Variants in KDM3B observed in about 807,000 individuals in gnomAD.
KDM3B encodes lysine demethylase 3B.
KDM3B carries 10 observed loss-of-function variants against 170.0 expected under a neutral mutation model. The observed-to-expected ratio is 0.06, with a 90% CI of 0.04 to 0.10. KDM3B has a LOEUF of 0.10. KDM3B is among the 10% of genes least tolerant of loss of function. The probability of loss-of-function intolerance (pLI) is 1.00; values close to 1 mark genes in which losing one functional copy is unlikely to be tolerated. For synonymous variants in KDM3B, 831 were observed against 834.8 expected (o/e 1.00, Z 0.08); for missense variants, 1,394 against 2,195.2 (o/e 0.64, Z 7.29).
chr5:138,431,704 A>G, intron 23 of KDM3B, 145 bp downstream of exon 23: 1 of 732,464 alleles, frequency 1.4e-6, no homozygotes, highest in Non-Finnish European at 2.0e-6. Context: ...GTTTGGGGAT[A>G]TGGAGTCCTT....
intron 9 of KDM3B, among the ~76,000 whole-genome samples, chr5:138,397,213 T>C (rs1418532131): frequency 6.6e-6 from 1 of 151,910 alleles, no homozygotes; most frequent in Non-Finnish European, 1.5e-5. Flanking sequence ...CAGGCGCCTG[T>C]AGTTCCAGCT....
intron 11 of KDM3B, among the ~76,000 whole-genome samples, chr5:138,404,548 A>G (rs946807848): frequency 1.3e-5 from 2 of 151,682 alleles, no homozygotes; most frequent in Non-Finnish European, 2.9e-5. Context: ...AATCACTTGA[A>G]CCTGGGAAGC....
chr5:138,411,480 TTGCCTCG>T (rs1762967928), intron 11 of KDM3B, among the ~76,000 whole-genome samples: 1 of 152,184 alleles, frequency 6.6e-6, no homozygotes, highest in Non-Finnish European at 1.5e-5. Flanking sequence ...CCTTGGTCTC[TTGCCTCG>T]GCGCCTGGGT....
chr5:138,357,131 C>T (rs1761470750), intron 1 of KDM3B, among the ~76,000 whole-genome samples: 1 of 152,192 alleles, frequency 6.6e-6, no homozygotes, highest in South Asian at 2.1e-4. Context: ...GGACTACAGG[C>T]ATGCGCCACC....
chr5:138,383,413 A>G (rs1432381893), intron 6 of KDM3B, among the ~76,000 whole-genome samples: 1 of 135,874 alleles, frequency 7.4e-6, no homozygotes, highest in Non-Finnish European at 1.5e-5. Context: ...CTGGGTTTAC[A>G]GGCGCGAACG....
At chr5:138,367,986 C>G (rs570979992) in intron 1 of KDM3B, among the ~76,000 whole-genome samples, 1 of 151,116 alleles carries the variant, frequency 6.6e-6, no homozygotes, top group African/African-American at 2.4e-5. Flanking sequence ...GCACTCCAGC[C>G]TGGGCAACAG....
chr5:138,385,896 A>G lies in KDM3B; in HGVS notation c.781-126A>G, dbSNP rs73255885. The G allele has an allele frequency of 3.5e-3, 3,676 of 1,050,098 alleles. 79 individuals are homozygous for G. The African/African-American group carries it at 0.048, about 14-fold the overall frequency. 65.0% of individuals were successfully genotyped at this position (1,050,098 alleles called of 1,614,324 possible). A position where few individuals can be genotyped will look rare whatever the true frequency, so the allele number is the denominator to read the frequency against. Reference sequence around the variant, plus strand: ...CTTTTAACAAAGGGGATGTTTTAGAACTGGCATTGGAACTTGGCAGTCTAT... The same window carrying G: ...CTTTTAACAAAGGGGATGTTTTAGAGCTGGCATTGGAACTTGGCAGTCTAT... On this transcript the variant is annotated intron_variant, in intron 6 of 23. Coordinates refer to ENST00000314358, the MANE Select transcript of KDM3B (RefSeq NM_016604.4).
Position 138,386,288 on chromosome 5 carries a change from G to T in KDM3B, c.1047G>T (p.Gln349His). 1 of 1,614,200 alleles carries T rather than the reference G, an allele frequency of 6.2e-7. No individual in the cohort carries two copies. Among genetic ancestry groups the T allele is most frequent in the Non-Finnish European group, 8.5e-7 (1 of 1,180,036 alleles). Residue 349 changes from glutamine (Q) to histidine (H), a missense_variant, in exon 7 of 24, where the codon CAG (glutamine) becomes CAT (histidine). This residue lies in a region of KDM3B where 205 missense variants were observed against 227.6 expected (regional missense o/e 0.90). Transcript: ENST00000314358. ...AGCCACCGTCTACATTTGTCCCCCA[G>T]ATAAACCGCAACATTCGCTTTGCCA... ...AKQPPSTFVP[Q>H]INRNIRFATY...
At chr5:138,423,966 T>G in intron 15 of KDM3B, 109 bp from the exon 16 acceptor site, 1 of 1,054,334 alleles carries the variant, frequency 9.5e-7, no homozygotes, top group Admixed American at 2.7e-5. Context: ...TTTGTAGAAT[T>G]TAATCAGACA....
At chr5:138,425,621 G>A (rs754186292) in intron 17 of KDM3B, 39 bp downstream of exon 17, 1 of 1,565,716 alleles carries the variant, frequency 6.4e-7, no homozygotes, top group Non-Finnish European at 8.7e-7. Flanking sequence ...ATAGCAGACT[G>A]GAAAATAAGC....
intron 13 of KDM3B, among the ~76,000 whole-genome samples, chr5:138,418,581 C>T (rs1384675747): frequency 6.6e-6 from 1 of 152,140 alleles, no homozygotes; most frequent in Non-Finnish European, 1.5e-5. Flanking sequence ...GAGTAATAAA[C>T]ATTTATTTAG....
rs151060270 is a variant in KDM3B, at chr5:138,429,884, T to C, written c.4812T>C (p.His1604=). ...ATGAGGTGACGAAGCAGAGGATTCATGATGGAAAAGAGAAGCCAGGTGCTT... is the reference window on the plus strand; with the variant it reads ...ATGAGGTGACGAAGCAGAGGATTCACGATGGAAAAGAGAAGCCAGGTGCTT... ...DADEVTKQRI[H]DGKEKPGALW... The change falls in exon 21 of 24, where the codon CAT becomes CAC. Residue 1604 remains histidine (H), a synonymous_variant. Coordinates refer to ENST00000314358, the MANE Select transcript of KDM3B (RefSeq NM_016604.4). The C allele has an allele frequency of 6.8e-5, 109 of 1,614,106 alleles. No homozygotes were observed. Among genetic ancestry groups the C allele is most frequent in the Admixed American group, 6.2e-4 (37 of 60,008 alleles).
At chr5:138,372,395 C>CT (rs1330976853) in intron 1 of KDM3B, among the ~76,000 whole-genome samples, 1 of 152,068 alleles carries the variant, frequency 6.6e-6, no homozygotes, top group Non-Finnish European at 1.5e-5. Flanking sequence ...GAATTAGAAA[C>CT]TAAGAGTTGC....
chr5:138,415,847 A>G (rs917340266), intron 12 of KDM3B, among the ~76,000 whole-genome samples: 2 of 152,030 alleles, frequency 1.3e-5, no homozygotes, highest in African/African-American at 4.8e-5. Flanking sequence ...TCCAGATATC[A>G]TTTCCCATTC....
chr5:138,371,009 A>G (rs760220437), intron 1 of KDM3B, among the ~76,000 whole-genome samples: 1 of 152,050 alleles, frequency 6.6e-6, no homozygotes, highest in Non-Finnish European at 1.5e-5. Context: ...GGGTTTCACC[A>G]TCTTGGCCAA....
At chr5:138,420,634 A>C in intron 14 of KDM3B, 72 bp from the exon 15 acceptor site, 1 of 1,530,430 alleles carries the variant, frequency 6.5e-7, no homozygotes, top group South Asian at 1.1e-5. Context: ...CATGTGACTG[A>C]TTTTTAGGAG....
chr5:138,385,113 C>A (rs1469536356), intron 6 of KDM3B, among the ~76,000 whole-genome samples: 1 of 151,918 alleles, frequency 6.6e-6, no homozygotes, highest in Admixed American at 6.5e-5. Flanking sequence ...CCTTCCCCTC[C>A]CGGGTTCAAG....
At chr5:138,377,586 C>T (rs1226221152) in intron 3 of KDM3B, 134 bp from the exon 4 acceptor site, 1 of 600,476 alleles carries the variant, frequency 1.7e-6, no homozygotes, top group Non-Finnish European at 2.9e-6. Flanking sequence ...CACGCCTAGC[C>T]TGAGACTAAG....
At chr5:138,373,899 A>G (rs1281793151) in intron 2 of KDM3B, among the ~76,000 whole-genome samples, 1 of 152,240 alleles carries the variant, frequency 6.6e-6, no homozygotes. Context: ...TGGCTAACCA[A>G]ATTAAATAAA....
Sources: allele counts gnomAD v4.1 joint callset (sites outside exome capture counted in the v4.1 genomes callset), GRCh38; gene constraint gnomAD v4.1.1; regional missense constraint gnomAD v4.1.1; transcripts MANE v1.5; gene names NCBI Gene and HGNC (gene_info 2026-07-23, HGNC 2026-07-21).